INPP4B: variants seen among roughly 807,000 people sequenced by gnomAD.
INPP4B encodes inositol polyphosphate 4-phosphatase type II.
In INPP4B, 55 loss-of-function variants were observed where a neutral mutation model predicts 122.5. The ratio of observed to expected loss-of-function variants is 0.45; its 90% CI spans 0.36 to 0.56. The LOEUF (loss-of-function observed/expected upper bound fraction) is 0.56. Among genes scored for constraint, INPP4B ranks in the 20% least tolerant of loss-of-function variants. INPP4B has a pLI of 0.00. For missense variants in INPP4B, 1,000 were observed against 1,097.7 expected (o/e 0.91, Z 1.26); for synonymous variants, 403 against 388.7 (o/e 1.04, Z -0.43).
chr4:142,751,283 C>CAA (rs70949187), intron 1 of INPP4B, among the ~76,000 whole-genome samples: 74 of 105,032 alleles, frequency 7.0e-4, no homozygotes, highest in African/African-American at 9.2e-4. Flanking sequence ...TTAACTGTGT[C>CAA]AAAAAAAAAA....
At chr4:142,522,821 T>C (rs897631099) in intron 2 of INPP4B, among the ~76,000 whole-genome samples, 4 of 152,204 alleles carry the variant, frequency 2.6e-5, no homozygotes, top group African/African-American at 9.6e-5. Flanking sequence ...TCTTCACCTA[T>C]AAATGAAGCT....
At chr4:142,566,057 T>G (rs1476651105) in intron 2 of INPP4B, 1 of 151,860 alleles carries the variant, frequency 6.6e-6, no homozygotes, top group East Asian at 1.9e-4. Flanking sequence ...ACAACGTACG[T>G]ACACTCATAT....
chr4:142,299,500 T>C (rs1283080403), intron 9 of INPP4B, among the ~76,000 whole-genome samples: 1 of 151,682 alleles, frequency 6.6e-6, no homozygotes, highest in Non-Finnish European at 1.5e-5. Flanking sequence ...ATGCATTGCT[T>C]TTAGGTCTTA....
chr4:142,028,781 C>G lies in INPP4B; in HGVS notation c.*1G>C, dbSNP rs1285860839. ...TCCTGTTTATTAACATGTTGGTAAA[C>G]TTAGGTGTCAGCTTTTCCATAAGTC... is the stretch of plus-strand genomic sequence containing the variant. On this transcript the variant is annotated 3_prime_UTR_variant, in exon 26 of 26. Transcript: ENST00000262992. 1 of 1,608,658 alleles carries G rather than the reference C, an allele frequency of 6.2e-7. No homozygotes were observed. Among genetic ancestry groups the G allele is most frequent in the Non-Finnish European group, 8.5e-7 (1 of 1,178,288 alleles).
intron 9 of INPP4B, among the ~76,000 whole-genome samples, chr4:142,271,290 G>A (rs367572414): frequency 6.6e-6 from 1 of 152,054 alleles, no homozygotes; most frequent in East Asian, 1.9e-4. Context: ...GTAAGAGCAC[G>A]GACTGTCGAA....
chr4:142,316,234 C>T (rs189706936), intron 7 of INPP4B, among the ~76,000 whole-genome samples: 1 of 152,150 alleles, frequency 6.6e-6, no homozygotes, highest in African/African-American at 2.4e-5. Context: ...GTAGAACACA[C>T]TCAACTCTTC....
intron 2 of INPP4B, among the ~76,000 whole-genome samples, chr4:142,713,056 C>T (rs1413943682): frequency 2.6e-5 from 4 of 152,170 alleles, no homozygotes; most frequent in Non-Finnish European, 5.9e-5. Flanking sequence ...CTCTCTTAAA[C>T]AGCATTTCTC....
intron 7 of INPP4B, among the ~76,000 whole-genome samples, chr4:142,333,189 C>T (rs1775355465): frequency 6.6e-6 from 1 of 152,100 alleles, no homozygotes; most frequent in African/African-American, 2.4e-5. Context: ...GGGTCATATG[C>T]TTTGTTCTCT....
intron 14 of INPP4B, among the ~76,000 whole-genome samples, chr4:142,203,690 C>T (rs1420515646): frequency 1.3e-5 from 2 of 152,050 alleles, no homozygotes; most frequent in Non-Finnish European, 2.9e-5. Flanking sequence ...TGAGACATGA[C>T]AACATTAGTT....
chr4:142,693,792 C>A (rs942173851), intron 2 of INPP4B, among the ~76,000 whole-genome samples: 6 of 151,908 alleles, frequency 3.9e-5, no homozygotes, highest in Non-Finnish European at 8.8e-5. Flanking sequence ...CTTAGCTGTT[C>A]CTTTAGAAAT....
rs1737366474 is a variant in INPP4B at position 142,027,479 on chromosome 4, A to G, written c.*1303T>C. ...TTTGTAAAATTTGGAGAAAAGTTTC[A>G]TTCGTTCAGACTTTTGTACTCTTAG... is the stretch of plus-strand genomic sequence containing the variant. On this transcript the variant is annotated 3_prime_UTR_variant, in exon 26 of 26. Coordinates refer to ENST00000262992, the MANE Select transcript of INPP4B (RefSeq NM_001101669.3). 1.3e-5 allele frequency: 2 copies of G among 152,208 alleles called. No individual in the cohort carries two copies. The highest frequency in any genetic ancestry group is 2.1e-4 in the South Asian group (1 of 4,834). The allele number at this position is 152,208 out of a possible 1,614,324, so 9.4% of individuals were successfully genotyped here. A position where few individuals can be genotyped will look rare whatever the true frequency, so the allele number is the denominator to read the frequency against.
intron 2 of INPP4B, 138 bp downstream of exon 2, chr4:142,725,701 C>G (rs1164333786): frequency 5.2e-6 from 2 of 386,798 alleles, no homozygotes; most frequent in Non-Finnish European, 9.1e-6. Context: ...CATCGTAAGG[C>G]CTTCCCTTGG....
chr4:142,385,661 A>G (rs951767401), intron 7 of INPP4B, among the ~76,000 whole-genome samples: 7 of 152,196 alleles, frequency 4.6e-5, no homozygotes, highest in African/African-American at 1.4e-4. Flanking sequence ...CTAAAATTAC[A>G]ATTCTGTTTG....
At chr4:142,624,692 A>G (rs975928825) in intron 2 of INPP4B, among the ~76,000 whole-genome samples, 7 of 152,198 alleles carry the variant, frequency 4.6e-5, no homozygotes, top group African/African-American at 1.7e-4. Context: ...AGAGAATTTT[A>G]GACCAATATC....
At chr4:142,302,347 C>T (rs748652874) in intron 9 of INPP4B, among the ~76,000 whole-genome samples, 2 of 152,076 alleles carry the variant, frequency 1.3e-5, no homozygotes, top group Non-Finnish European at 2.9e-5. Context: ...TTTGCTCTGC[C>T]ATTAGTAAGG....
At chr4:142,261,554 G>T (rs1487426790) in intron 10 of INPP4B, among the ~76,000 whole-genome samples, 2 of 152,126 alleles carry the variant, frequency 1.3e-5, no homozygotes, top group African/African-American at 4.8e-5. Flanking sequence ...CCATCCTTCT[G>T]TAAGTTTTGC....
At chr4:142,720,774 TC>T (rs1560996564) in intron 2 of INPP4B, among the ~76,000 whole-genome samples, 17 of 10,562 alleles carry the variant, frequency 1.6e-3, no homozygotes, top group African/African-American at 5.6e-3. Flanking sequence ...TCTCTCTCTC[TC>T]TCTCTCTCTC....
chr4:142,561,423 T>A (rs1390172312), intron 2 of INPP4B, among the ~76,000 whole-genome samples: 1 of 152,108 alleles, frequency 6.6e-6, no homozygotes, highest in Non-Finnish European at 1.5e-5. Context: ...TGTTTGTTTG[T>A]TTGTTTGTTT....
At chr4:142,250,487 T>C (rs931562125) in intron 11 of INPP4B, among the ~76,000 whole-genome samples, 5 of 152,182 alleles carry the variant, frequency 3.3e-5, no homozygotes, top group African/African-American at 1.2e-4. Flanking sequence ...ATTAAAGAAA[T>C]ACCACATGGG....
Sources: gnomAD v4.1 joint callset for allele counts (sites outside exome capture counted in the v4.1 genomes callset) on GRCh38, gnomAD v4.1.1 for gene constraint, MANE v1.5 for transcripts, NCBI Gene and HGNC (gene_info 2026-07-23, HGNC 2026-07-21) for gene names.